TENT5D: variants seen among roughly 807,000 people sequenced by gnomAD.
TENT5D encodes terminal nucleotidyltransferase 5D.
For synonymous variants in TENT5D, 103 were observed against 100.6 expected, an observed-to-expected ratio of 1.02 and a Z score of -0.15; for missense variants, 191 against 287.0, an observed-to-expected ratio of 0.67 and a Z score of 2.42.
At chrX:80,379,474 G>A (rs989349411) in intron 3 of TENT5D, among the ~76,000 whole-genome samples, 3 of 111,072 alleles carry the variant, frequency 2.7e-5, no homozygotes, top group African/African-American at 9.8e-5. Flanking sequence ...AAATGAGTTA[G>A]GGAGGATTCC....
chrX:80,382,709 C>CCG (rs1443711680), intron 3 of TENT5D, among the ~76,000 whole-genome samples: 2 of 109,126 alleles, frequency 1.8e-5, no homozygotes, highest in African/African-American at 6.7e-5. Flanking sequence ...CGGACGCCCC[C>CCG]CCCCCACTGC....
chrX:80,338,350 A>G (rs776622909), intron 2 of TENT5D, among the ~76,000 whole-genome samples: 4 of 112,065 alleles, frequency 3.6e-5, no homozygotes, highest in Middle Eastern at 9.2e-3. Flanking sequence ...TAAATCAGAT[A>G]TGGCGGATAC....
At chrX:80,340,440 A>G (rs1929936496) in intron 2 of TENT5D, among the ~76,000 whole-genome samples, 1 of 111,271 alleles carries the variant, frequency 9.0e-6, no homozygotes, top group South Asian at 3.8e-4. Flanking sequence ...TTCATTCTAG[A>G]TTGATTCTCG....
intron 3 of TENT5D, among the ~76,000 whole-genome samples, chrX:80,391,484 T>G (rs1931126267): frequency 8.9e-6 from 1 of 112,091 alleles, no homozygotes; most frequent in Non-Finnish European, 1.9e-5. Flanking sequence ...TTACTCCAAC[T>G]TAAAGTAAAA....
chrX:80,407,958 TGC>T (rs1472911344), intron 3 of TENT5D, among the ~76,000 whole-genome samples: 1 of 111,156 alleles, frequency 9.0e-6, no homozygotes, highest in East Asian at 2.8e-4. Flanking sequence ...CACTCAAAAC[TGC>T]TCAACTACAT....
At chrX:80,429,039 G>A (rs1377891451) in intron 1 of TENT5D, among the ~76,000 whole-genome samples, 2 of 111,285 alleles carry the variant, frequency 1.8e-5, no homozygotes, top group African/African-American at 6.6e-5. Context: ...GGGCCCCTGA[G>A]TCATAATGGC....
At chrX:80,383,184 G>C (rs763408491) in intron 3 of TENT5D, among the ~76,000 whole-genome samples, 1 of 112,353 alleles carries the variant, frequency 8.9e-6, no homozygotes, top group South Asian at 3.7e-4. Context: ...TTTGAACAGT[G>C]CCCCTTCTAT....
Position 80,379,103 on chromosome X carries a change from TTTC to T in TENT5D, c.-142+36541_-142+36543del, listed in dbSNP as rs1435751966. Reference sequence around the variant, plus strand: ...GGCTGTTGAATTTTGTCGAAGGCCTTTTCTGCATTCTCTTGCAGAAAAGGCCTT... The same window carrying T: ...GGCTGTTGAATTTTGTCGAAGGCCTTTGCATTCTCTTGCAGAAAAGGCCTT... On this transcript the variant is annotated intron_variant, in intron 3 of 4. Coordinates refer to the TENT5D transcript ENST00000538312. Among the ~76,000 whole-genome samples the T allele has an allele frequency of 2.5e-4, 26 of 103,379 alleles. No individual in the cohort carries two copies. In the East Asian group the frequency reaches 8.0e-3, roughly 32 times the overall value. The allele number at this position is 103,379 out of a possible 115,157, so 89.8% of individuals were successfully genotyped here.
At chrX:80,387,247 C>T (rs926146736) in intron 3 of TENT5D, among the ~76,000 whole-genome samples, 1 of 111,971 alleles carries the variant, frequency 8.9e-6, no homozygotes, top group Non-Finnish European at 1.9e-5. Context: ...CCTTATATAC[C>T]TTTTGTAGTG....
intron 3 of TENT5D, among the ~76,000 whole-genome samples, chrX:80,412,208 G>A (rs1042489156): frequency 2.7e-5 from 3 of 112,674 alleles, no homozygotes; most frequent in Non-Finnish European, 5.6e-5. Flanking sequence ...TGGCTGGGGA[G>A]CAGCTGGGAC....
At chrX:80,345,212 C>T (rs749369085) in intron 3 of TENT5D, among the ~76,000 whole-genome samples, 1 of 111,544 alleles carries the variant, frequency 9.0e-6, no homozygotes, top group African/African-American at 3.3e-5. Flanking sequence ...GTTTTTCTTG[C>T]TATATCCTAT....
At position 80,368,892 on chromosome X, in the gene TENT5D, A is replaced by G. The variant is rs754701459; in HGVS notation, c.-142+26328A>G. On this transcript the variant is annotated intron_variant, in intron 3 of 4. Coordinates refer to the TENT5D transcript ENST00000538312. ...AGCTTGGGGACCATGGAAATCAGGAACTTGCTGCTTATATCAACCTTTTTT... is the reference window on the plus strand; with the variant it reads ...AGCTTGGGGACCATGGAAATCAGGAGCTTGCTGCTTATATCAACCTTTTTT... Among the ~76,000 whole-genome samples the G allele has an allele frequency of 8.1e-5, 9 of 111,779 alleles. No homozygotes were observed. In the South Asian group the frequency reaches 3.3e-3, roughly 41 times the overall value.
intron 3 of TENT5D, among the ~76,000 whole-genome samples, chrX:80,348,466 T>A (rs762577896): frequency 1.3e-4 from 15 of 111,595 alleles, no homozygotes; most frequent in Non-Finnish European, 2.8e-4. Context: ...TGGCTCTCTG[T>A]TTGTGGTGTA....
At chrX:80,382,312 A>G (rs1295398991) in intron 3 of TENT5D, among the ~76,000 whole-genome samples, 1 of 111,822 alleles carries the variant, frequency 8.9e-6, no homozygotes. Context: ...ATATTGCAGA[A>G]CAGCAAATAT....
chrX:80,398,782 T>A (rs974602708), intron 3 of TENT5D, among the ~76,000 whole-genome samples: 46 of 110,920 alleles, frequency 4.1e-4, no homozygotes, highest in African/African-American at 1.1e-3. Context: ...CTTTTTTTTT[T>A]ATAATGCCAG....
chrX:80,394,696 C>CT (rs759554077), intron 3 of TENT5D, among the ~76,000 whole-genome samples: 2 of 110,859 alleles, frequency 1.8e-5, no homozygotes, highest in African/African-American at 6.6e-5. Context: ...GCCCAGCCTG[C>CT]TTATTTATTT....
At chrX:80,410,787 A>G (rs1931643600) in intron 3 of TENT5D, among the ~76,000 whole-genome samples, 1 of 109,816 alleles carries the variant, frequency 9.1e-6, no homozygotes, top group Admixed American at 9.7e-5. Flanking sequence ...ATAAAGACAC[A>G]TGCACACGTA....
At chrX:80,382,929 C>A (rs759075025) in intron 3 of TENT5D, among the ~76,000 whole-genome samples, 1 of 112,147 alleles carries the variant, frequency 8.9e-6, no homozygotes, top group Non-Finnish European at 1.9e-5. Flanking sequence ...AAAGGGAAAT[C>A]CCCCGACCCC....
chrX:80,397,404 G>T (rs1464962879), intron 3 of TENT5D, among the ~76,000 whole-genome samples: 1 of 107,242 alleles, frequency 9.3e-6, no homozygotes, highest in Non-Finnish European at 1.9e-5. Context: ...TCACTTCCTA[G>T]ATGGGATGGC....
Sources: gnomAD v4.1 joint callset for allele counts (sites outside exome capture counted in the v4.1 genomes callset) on GRCh38, gnomAD v4.1.1 for gene constraint, MANE v1.5 for transcripts, NCBI Gene and HGNC (gene_info 2026-07-23, HGNC 2026-07-21) for gene names.